The following FBN2 variants were observed in gnomAD, a reference collection of about 807,000 sequenced individuals.
FBN2 encodes fibrillin-2.
FBN2 carries 105 observed loss-of-function variants against 355.6 expected under a neutral mutation model. That is an observed-to-expected ratio of 0.30 (90% CI 0.25 to 0.35). The LOEUF (loss-of-function observed/expected upper bound fraction) is 0.35. Among genes scored for constraint, FBN2 ranks in the 10% least tolerant of loss-of-function variants. The pLI, the probability that FBN2 is intolerant of heterozygous loss-of-function variation, is 1.00. For missense variants in FBN2, 3,280 were observed against 3,758.7 expected, an observed-to-expected ratio of 0.87 and a Z score of 3.33; for synonymous variants, 1,350 against 1,301.2, an observed-to-expected ratio of 1.04 and a Z score of -0.81.
chr5:128,476,360 T>G (rs956293443), intron 5 of FBN2, among the ~76,000 whole-genome samples: 3 of 151,892 alleles, frequency 2.0e-5, no homozygotes, highest in South Asian at 2.1e-4. Flanking sequence ...CTGACTAAAA[T>G]AACAAAACTC....
chr5:128,366,514 C>A, intron 16 of FBN2, 84 bp from the exon 17 acceptor site: 1 of 748,272 alleles, frequency 1.3e-6, no homozygotes, highest in South Asian at 1.8e-5. Context: ...CCAAAACTAC[C>A]ATTAGGAAGA....
Position 128,334,020 on chromosome 5 carries a change from TA to T in FBN2, c.4099+698del, listed in dbSNP as rs747326175. 1.3e-5 allele frequency among the ~76,000 whole-genome samples: 2 copies of T among 151,908 alleles called. 1 individual carries two copies. Among genetic ancestry groups the T allele is most frequent in the South Asian group, 4.2e-4 (2 of 4,804 alleles). On this transcript the variant is annotated intron_variant, in intron 31 of 64. Transcript: ENST00000262464. ...ACCTGCCTTGAAAAAATATCACACA[TA>T]AGTCTTAAATTGTGCACTGAGGAAT...
chr5:128,453,469 C>G (rs910604056), intron 6 of FBN2, among the ~76,000 whole-genome samples: 1 of 152,172 alleles, frequency 6.6e-6, no homozygotes, highest in Non-Finnish European at 1.5e-5. Context: ...CCACTCTGGC[C>G]TTCCTATAAC....
intron 34 of FBN2, among the ~76,000 whole-genome samples, chr5:128,327,293 T>C (rs1365995650): frequency 6.6e-6 from 1 of 152,170 alleles, no homozygotes; most frequent in African/African-American, 2.4e-5. Flanking sequence ...TCTCTCCAAA[T>C]TGGTTGCTAT....
intron 15 of FBN2, chr5:128,371,251 A>G (rs1048378819): frequency 3.3e-5 from 5 of 152,178 alleles, no homozygotes; most frequent in African/African-American, 1.2e-4. Context: ...AACCTAGCTC[A>G]TATTATACTA....
chr5:128,437,661 G>T (rs761220850), intron 7 of FBN2, among the ~76,000 whole-genome samples: 9 of 151,982 alleles, frequency 5.9e-5, no homozygotes, highest in South Asian at 2.1e-4. Context: ...TAAGAATCAT[G>T]AATCAAATAC....
intron 6 of FBN2, among the ~76,000 whole-genome samples, chr5:128,461,708 G>A (rs1754562598): frequency 6.6e-6 from 1 of 152,286 alleles, no homozygotes; most frequent in East Asian, 1.9e-4. Flanking sequence ...GCTGGGACAT[G>A]TATGAAGCTG....
chr5:128,437,737 C>A (rs920152970), intron 7 of FBN2, among the ~76,000 whole-genome samples: 6 of 150,248 alleles, frequency 4.0e-5, no homozygotes, highest in East Asian at 2.0e-4. Flanking sequence ...AGAGAGTAGT[C>A]TAGATAGATA....
At chr5:128,290,629 A>C in intron 50 of FBN2, 103 bp downstream of exon 50, 16 of 1,122,144 alleles carry the variant, frequency 1.4e-5, no homozygotes, top group Middle Eastern at 2.0e-4. Context: ...CAAGGAGATG[A>C]TTTCACTCTC....
chr5:128,394,025 G>T (rs1752586556), intron 9 of FBN2, among the ~76,000 whole-genome samples: 1 of 152,074 alleles, frequency 6.6e-6, no homozygotes, highest in Non-Finnish European at 1.5e-5. Context: ...TAGTGGAACT[G>T]GGAGAATCCA....
Position 128,286,778 on chromosome 5 carries a change from T to C in FBN2, c.6952A>G (p.Thr2318Ala). ...RGMMCKNLIG[T>A]FMCICPPGMA... is the part of the protein sequence containing the mutation. Reference sequence around the variant, plus strand: ...CCAGGAGGGCAGATGCACATGAAGGTGCCGATTAGATTCTTACACATCATG... The same window carrying C: ...CCAGGAGGGCAGATGCACATGAAGGCGCCGATTAGATTCTTACACATCATG... Residue 2318 changes from threonine to alanine, a missense_variant, in exon 55 of 65, where the codon ACC becomes GCC. Physicochemically the swap from Thr to Ala is moderately conservative, Grantham distance 58. Transcript: ENST00000262464. The C allele has an allele frequency of 6.2e-7, 1 of 1,614,164 alleles. No homozygotes were observed. The highest frequency in any genetic ancestry group is 1.1e-5 in the South Asian group (1 of 91,086).
chr5:128,351,145 G>T, intron 20 of FBN2, 140 bp from the exon 21 acceptor site: 1 of 1,003,040 alleles, frequency 1.0e-6, no homozygotes, highest in Non-Finnish European at 1.5e-6. Flanking sequence ...CACTTTGGGA[G>T]GCTGAGGAGG....
chr5:128,362,271 T>G (rs182456979), intron 18 of FBN2, among the ~76,000 whole-genome samples: 77 of 152,370 alleles, frequency 5.1e-4, no homozygotes, highest in Admixed American at 1.2e-3. Flanking sequence ...GAATGCCTTA[T>G]GTCTTCATGT....
chr5:128,319,029 T>G (rs1750292111), intron 34 of FBN2, 28 bp from the exon 35 acceptor site: 1 of 1,555,702 alleles, frequency 6.4e-7, no homozygotes, highest in African/African-American at 1.4e-5. Context: ...AAGTAATCTC[T>G]TATTTAAGAA....
At chr5:128,400,504 T>G (rs1411002972) in intron 8 of FBN2, among the ~76,000 whole-genome samples, 1 of 152,204 alleles carries the variant, frequency 6.6e-6, no homozygotes, top group Non-Finnish European at 1.5e-5. Context: ...ATTTGAATAG[T>G]ACAGTTGTTT....
At chr5:128,372,869 C>A (rs375359386) in intron 15 of FBN2, among the ~76,000 whole-genome samples, 1 of 152,050 alleles carries the variant, frequency 6.6e-6, no homozygotes, top group Non-Finnish European at 1.5e-5. Context: ...TCCAGTGATC[C>A]GCCCAACATG....
intron 25 of FBN2, among the ~76,000 whole-genome samples, chr5:128,343,163 GT>G (rs1751075077): frequency 6.6e-6 from 1 of 152,168 alleles, no homozygotes; most frequent in African/African-American, 2.4e-5. Flanking sequence ...CAGGGAAGAG[GT>G]TTAGAAGCAG....
chr5:128,367,304 A>G (rs1050515176), intron 16 of FBN2, among the ~76,000 whole-genome samples: 3 of 152,036 alleles, frequency 2.0e-5, no homozygotes, highest in Admixed American at 6.6e-5. Context: ...GGAAGAATCA[A>G]TCGTTTATAC....
intron 37 of FBN2, among the ~76,000 whole-genome samples, chr5:128,312,196 T>C (rs1750075511): frequency 6.6e-6 from 1 of 152,196 alleles, no homozygotes; most frequent in Admixed American, 6.5e-5. Context: ...AAAATTCCCT[T>C]GCAGCTCTTT....
Sources: allele counts gnomAD v4.1 joint callset (sites outside exome capture counted in the v4.1 genomes callset), GRCh38; gene constraint gnomAD v4.1.1; transcripts MANE v1.5; gene names NCBI Gene and HGNC (gene_info 2026-07-23, HGNC 2026-07-21).